PSMD1: variants seen among roughly 807,000 people sequenced by gnomAD.
PSMD1 encodes the protein 26S proteasome non-ATPase regulatory subunit 1.
A neutral mutation model predicts 119.0 loss-of-function variants in PSMD1; 18 were observed. The ratio of observed to expected loss-of-function variants is 0.15; its 90% CI spans 0.10 to 0.22. The LOEUF (loss-of-function observed/expected upper bound fraction) is 0.22. PSMD1 is among the 10% of genes least tolerant of loss of function. The pLI, the probability that PSMD1 is intolerant of heterozygous loss-of-function variation, is 1.00. For missense variants in PSMD1, 702 were observed against 1,158.5 expected (o/e 0.61, Z 5.72); for synonymous variants, 374 against 396.6 (o/e 0.94, Z 0.68).
chr2:231,100,087 G>T (rs1000044502), intron 16 of PSMD1, among the ~76,000 whole-genome samples: 1 of 152,192 alleles, frequency 6.6e-6, no homozygotes, highest in Admixed American at 6.5e-5. Context: ...CCACAAGGGG[G>T]CAGGGCAAGC....
chr2:231,161,464 G>A lies in PSMD1; in HGVS notation c.2343G>A (p.Leu781=). Residue 781 remains leucine, a synonymous_variant, in exon 20 of 25, where the codon TTG becomes TTA. Transcript: ENST00000308696. The part of the protein sequence containing the change: ...FWFPLSHFLS[L]AYTPTCVIGL... Reference sequence around the variant, plus strand: ...TTCCTCTTTCACACTTCCTGTCATTGGCTTATACCCCTACCTGTGTCATTG... The same window carrying A: ...TTCCTCTTTCACACTTCCTGTCATTAGCTTATACCCCTACCTGTGTCATTG... The A allele has an allele frequency of 6.2e-7, 1 of 1,613,996 alleles. No individual in the cohort carries two copies. Among genetic ancestry groups the A allele is most frequent in the Non-Finnish European group, 8.5e-7 (1 of 1,179,998 alleles).
intron 16 of PSMD1, among the ~76,000 whole-genome samples, chr2:231,106,613 G>T (rs1694981401): frequency 6.6e-6 from 1 of 151,756 alleles, no homozygotes; most frequent in Admixed American, 6.6e-5. Flanking sequence ...GTGAGAATCT[G>T]TCTCAAAAAA....
rs1450040020 is a variant in PSMD1 at position 231,074,026 on chromosome 2, C to G, written c.882-1485C>G. 3.3e-5 allele frequency among the ~76,000 whole-genome samples: 5 copies of G among 151,728 alleles called. 1 individual carries two copies. Among genetic ancestry groups the G allele is most frequent in the Admixed American group, 3.3e-4 (5 of 15,230 alleles). Reference sequence around the variant, plus strand: ...TCCCTCTCTTTTTTTTCTATATTGGCTAGAATTCCCAATACTTACAGAAGT... The same window carrying G: ...TCCCTCTCTTTTTTTTCTATATTGGGTAGAATTCCCAATACTTACAGAAGT... On this transcript the variant is annotated intron_variant, in intron 7 of 24. Transcript: ENST00000308696.
chr2:231,102,426 A>G lies in PSMD1; in HGVS notation c.1883+15245A>G, dbSNP rs149912041. On this transcript the variant is annotated intron_variant, in intron 16 of 24. Transcript: ENST00000308696. ...TCACGTATAACTTTTGACTCCCCCA[A>G]AACTTAGCTACTCATAGCCTATTAT... 2.8e-4 allele frequency among the ~76,000 whole-genome samples: 42 copies of G among 152,278 alleles called. 1 individual carries two copies. The East Asian group carries it at 7.7e-3, about 28-fold the overall frequency.
At chr2:231,081,025 TC>T (rs1339096676) in intron 12 of PSMD1, among the ~76,000 whole-genome samples, 2 of 151,524 alleles carry the variant, frequency 1.3e-5, no homozygotes, top group Non-Finnish European at 2.9e-5. Context: ...GCACCTGTAA[TC>T]CCAGCTACTC....
intron 16 of PSMD1, among the ~76,000 whole-genome samples, chr2:231,096,538 A>G (rs1451170181): frequency 6.6e-6 from 1 of 152,222 alleles, no homozygotes; most frequent in Non-Finnish European, 1.5e-5. Flanking sequence ...TGTCTAATGT[A>G]CCTTCTTCGG....
chr2:231,124,491 C>G (rs1695668156), intron 16 of PSMD1, among the ~76,000 whole-genome samples: 1 of 151,564 alleles, frequency 6.6e-6, no homozygotes, highest in Admixed American at 6.6e-5. Flanking sequence ...AATGTTTTAC[C>G]AGCTAGGGAT....
Position 231,170,371 on chromosome 2 carries a change from C to T in PSMD1, c.2716-195C>T. 2.0e-6 allele frequency: 1 copy of T among 493,014 alleles called. No individual in the cohort carries two copies. Among genetic ancestry groups the T allele is most frequent in the Non-Finnish European group, 3.5e-6 (1 of 289,642 alleles). The allele number at this position is 493,014 out of a possible 1,614,324, so 30.5% of individuals were successfully genotyped here. ...AGAACAGCATCACATGTTATACCAT[C>T]TAGAGCTACTGGGTTAAGTTTGCAA... On this transcript the variant is annotated intron_variant, in intron 23 of 24. Transcript: ENST00000308696. This position sits in a 1 kb window ranked among gnomAD's most constrained non-coding sequence, Gnocchi z 4.1.
In PSMD1 at chr2:231,161,372, A is replaced by G. The variant is rs1696637112; in HGVS notation, c.2251A>G (p.Arg751Gly). 9.9e-6 allele frequency: 16 copies of G among 1,613,550 alleles called. No homozygotes were observed. The highest frequency in any genetic ancestry group is 1.3e-5 in the African/African-American group (1 of 75,002). ...TAATGTCACAATCTCCTTGCAGTCC[A>G]GGACTGGGCATACTCATATGCCTTC... ...GHNVTISLQS[R>G]TGHTHMPSVV... Residue 751 changes from arginine to glycine, a missense_variant, in exon 20 of 25, where the codon AGG (arginine) becomes GGG (glycine). This residue lies in a region of PSMD1 where 152 missense variants were observed against 239.3 expected (regional missense o/e 0.64). Coordinates refer to ENST00000308696, the MANE Select transcript of PSMD1 (RefSeq NM_002807.4).
At chr2:231,156,113 C>T (rs966874555) in intron 19 of PSMD1, among the ~76,000 whole-genome samples, 1 of 152,036 alleles carries the variant, frequency 6.6e-6, no homozygotes, top group Non-Finnish European at 1.5e-5. Flanking sequence ...TTTATTGCAG[C>T]TTTTTCATTC....
chr2:231,117,746 A>G (rs1695392288), intron 16 of PSMD1, among the ~76,000 whole-genome samples: 1 of 152,178 alleles, frequency 6.6e-6, no homozygotes, highest in Non-Finnish European at 1.5e-5. Context: ...TCCACAGAAA[A>G]GAGATCTTGC....
intron 21 of PSMD1, 23 bp downstream of exon 21, chr2:231,163,750 CA>C: frequency 6.5e-7 from 1 of 1,533,998 alleles, no homozygotes; most frequent in Non-Finnish European, 9.0e-7. Flanking sequence ...TTCCTTTTAG[CA>C]GCATTTGTAC....
intron 16 of PSMD1, chr2:231,109,557 C>G: frequency 1.4e-6 from 1 of 696,546 alleles, no homozygotes; most frequent in Non-Finnish European, 2.4e-6. Flanking sequence ...TCGAAGCATT[C>G]ATCAGTGAAG....
intron 16 of PSMD1, among the ~76,000 whole-genome samples, chr2:231,135,421 A>G (rs1445257743): frequency 6.6e-6 from 1 of 152,178 alleles, no homozygotes; most frequent in Non-Finnish European, 1.5e-5. Context: ...CAGATGAGGA[A>G]AGGACCCTGG....
chr2:231,059,294 T>C (rs773021398), intron 1 of PSMD1, among the ~76,000 whole-genome samples: 3 of 152,220 alleles, frequency 2.0e-5, no homozygotes, highest in Non-Finnish European at 4.4e-5. Flanking sequence ...GTCACTTTGT[T>C]TTCTGTCCTA....
Position 231,072,205 on chromosome 2 carries a change from A to G in PSMD1, c.671A>G (p.Asp224Gly). 1.9e-6 allele frequency: 3 copies of G among 1,612,366 alleles called. No individual in the cohort carries two copies. Among genetic ancestry groups the G allele is most frequent in the Admixed American group, 1.7e-5 (1 of 60,010 alleles). ...INVCQCLIFL[D>G]DPQAVSDILE... ...CCATTTCAGTGCTTAATTTTCTTAGATGATCCTCAGGCTGTGAGTGATATC... is the reference window on the plus strand; with the variant it reads ...CCATTTCAGTGCTTAATTTTCTTAGGTGATCCTCAGGCTGTGAGTGATATC... The change falls in exon 7 of 25, where the codon GAT becomes GGT. Residue 224 changes from aspartate to glycine, a missense_variant. Coordinates refer to ENST00000308696, the MANE Select transcript of PSMD1 (RefSeq NM_002807.4).
intron 16 of PSMD1, among the ~76,000 whole-genome samples, chr2:231,095,056 G>A (rs1694692842): frequency 6.6e-6 from 1 of 152,192 alleles, no homozygotes; most frequent in African/African-American, 2.4e-5. Flanking sequence ...ACCCTGTCGG[G>A]AGTGTTTAGT....
At position 231,095,864 on chromosome 2, in the gene PSMD1, C is replaced by G. The variant is rs181558862; in HGVS notation, c.1883+8683C>G. Reference sequence around the variant, plus strand: ...CATTTGCCAGACCTTTTGGGAATGACGAAAATGGGTGAATTCCGAGGGCTG... The same window carrying G: ...CATTTGCCAGACCTTTTGGGAATGAGGAAAATGGGTGAATTCCGAGGGCTG... On this transcript the variant is annotated intron_variant, in intron 16 of 24. Transcript: ENST00000308696. Among the ~76,000 whole-genome samples, 20 of 152,238 alleles carry G rather than the reference C, an allele frequency of 1.3e-4. No homozygotes were observed. In the East Asian group the frequency reaches 2.7e-3, roughly 21 times the overall value.
intron 1 of PSMD1, among the ~76,000 whole-genome samples, chr2:231,058,126 A>G (rs887208289): frequency 6.6e-6 from 1 of 152,242 alleles, no homozygotes; most frequent in Non-Finnish European, 1.5e-5. Context: ...AAGAGATACA[A>G]GTGATCGCGA....
Sources: allele counts gnomAD v4.1 joint callset (sites outside exome capture counted in the v4.1 genomes callset), GRCh38; gene constraint gnomAD v4.1.1; regional missense constraint gnomAD v4.1.1; non-coding constraint Gnocchi (gnomAD v3.1); transcripts MANE v1.5; gene names NCBI Gene and HGNC (gene_info 2026-07-23, HGNC 2026-07-21).